Variants in STRN observed in about 807,000 individuals in gnomAD.
STRN encodes striatin.
Under a neutral mutation model 96.3 loss-of-function variants are expected in STRN, and 53 were observed. The observed-to-expected ratio is 0.55, with a 90% CI of 0.44 to 0.69. The LOEUF (loss-of-function observed/expected upper bound fraction) is 0.69. Ranked by LOEUF, STRN falls within the 30% of genes least tolerant of loss-of-function variation. STRN has a pLI of 0.00. For missense variants in STRN, 987 were observed against 963.9 expected, an observed-to-expected ratio of 1.02 and a Z score of -0.32; for synonymous variants, 428 against 355.9, an observed-to-expected ratio of 1.20 and a Z score of -2.28.
chr2:36,927,501 C>A, intron 1 of STRN, among the ~76,000 whole-genome samples: 1 of 130,308 alleles, frequency 7.7e-6, no homozygotes, highest in African/African-American at 3.0e-5. Flanking sequence ...AGAGTGAGAC[C>A]CTATATCAAA....
intron 2 of STRN, among the ~76,000 whole-genome samples, chr2:36,922,477 C>T (rs1430666553): frequency 2.0e-5 from 3 of 149,186 alleles, no homozygotes; most frequent in Non-Finnish European, 3.0e-5. Context: ...CATGACTGTG[C>T]CACTGCACTA....
intron 15 of STRN, among the ~76,000 whole-genome samples, chr2:36,851,719 TTAAG>T (rs1445618590): frequency 3.3e-5 from 5 of 152,332 alleles, no homozygotes; most frequent in South Asian, 2.1e-4. Flanking sequence ...TTTTGCTACT[TTAAG>T]TAAGTTCTAT....
At chr2:36,955,758 A>T (rs1357969119) in intron 1 of STRN, among the ~76,000 whole-genome samples, 1 of 152,200 alleles carries the variant, frequency 6.6e-6, no homozygotes, top group Non-Finnish European at 1.5e-5. Flanking sequence ...AAACCACTAC[A>T]GATTGAGTAC....
chr2:36,899,815 T>C (rs1218929018), intron 5 of STRN, among the ~76,000 whole-genome samples, 157 bp from the exon 6 acceptor site: 1 of 152,156 alleles, frequency 6.6e-6, no homozygotes. Flanking sequence ...TCTCACAAAT[T>C]TAAAAAGCAA....
rs1480501209 is a variant in STRN at position 36,966,215 on chromosome 2, C to T, written c.234+15G>A. On this transcript the variant is annotated intron_variant, in intron 1 of 17. Coordinates refer to ENST00000263918, the MANE Select transcript of STRN (RefSeq NM_003162.4). ...AGAGGCGGGATGAAGACGGCCAGGC[C>T]GGGAGGGTCTTTACCTGCAGCTCCG... is the stretch of plus-strand genomic sequence containing the variant. 1.9e-6 allele frequency: 3 copies of T among 1,544,352 alleles called. No individual in the cohort carries two copies. The highest frequency in any genetic ancestry group is 2.4e-5 in the South Asian group (2 of 84,212).
intron 9 of STRN, among the ~76,000 whole-genome samples, chr2:36,880,697 T>C (rs1669048115): frequency 6.6e-6 from 1 of 152,352 alleles, no homozygotes; most frequent in African/African-American, 2.4e-5. Flanking sequence ...ATCAGTTGAA[T>C]GACTCATGTG....
chr2:36,902,551 A>G, intron 5 of STRN, 33 bp downstream of exon 5: 2 of 1,547,938 alleles, frequency 1.3e-6, no homozygotes, highest in South Asian at 1.3e-5. Flanking sequence ...AGAACTAATA[A>G]TAGCTAAAAC....
intron 10 of STRN, among the ~76,000 whole-genome samples, chr2:36,871,011 A>G (rs188319989): frequency 6.6e-6 from 1 of 152,356 alleles, no homozygotes; most frequent in Admixed American, 6.5e-5. Context: ...AAAATAGGAA[A>G]AAGCTTATAG....
At chr2:36,899,191 G>A (rs1669619432) in intron 6 of STRN, among the ~76,000 whole-genome samples, 1 of 152,172 alleles carries the variant, frequency 6.6e-6, no homozygotes, top group African/African-American at 2.4e-5. Context: ...CAGGCACCAT[G>A]ATGTGTCTGT....
chr2:36,966,272 C>T lies in STRN; in HGVS notation c.192G>A (p.Glu64=), dbSNP rs763795412. ...CCACCTCCCACTGGGCTCTCTCCAC[C>T]TCGAAGCGGGCCCACTCGTGCTGCA... ...HFLQHEWARF[E]VERAQWEVER... is the part of the protein sequence containing the mutation. Residue 64 remains glutamate (E), a synonymous_variant, in exon 1 of 18, where the codon GAG becomes GAA. Coordinates refer to ENST00000263918, the MANE Select transcript of STRN (RefSeq NM_003162.4). 2 of 1,587,838 alleles carry T rather than the reference C, an allele frequency of 1.3e-6. No homozygotes were observed. The highest frequency in any genetic ancestry group is 1.7e-6 in the Non-Finnish European group (2 of 1,169,274).
At chr2:36,951,923 G>A (rs543158592) in intron 1 of STRN, among the ~76,000 whole-genome samples, 9 of 152,322 alleles carry the variant, frequency 5.9e-5, no homozygotes, top group African/African-American at 2.2e-4. Context: ...CAGAGGCAAC[G>A]CTGATTCTCA....
intron 6 of STRN, among the ~76,000 whole-genome samples, chr2:36,896,859 C>G: frequency 6.6e-6 from 1 of 152,090 alleles, no homozygotes; most frequent in East Asian, 1.9e-4. Context: ...GACGAGAATA[C>G]TGATAATGAT....
At chr2:36,865,220 A>G (rs1231921669) in intron 12 of STRN, among the ~76,000 whole-genome samples, 1 of 152,232 alleles carries the variant, frequency 6.6e-6, no homozygotes, top group Admixed American at 6.5e-5. Context: ...CGTTGTTTCC[A>G]GGAATTTATC....
chr2:36,936,127 T>G (rs1670694961), intron 1 of STRN, among the ~76,000 whole-genome samples: 1 of 152,174 alleles, frequency 6.6e-6, no homozygotes, highest in African/African-American at 2.4e-5. Context: ...ATAAAGACAT[T>G]TAAGCCTTTC....
At chr2:36,906,396 C>T (rs189355474) in intron 3 of STRN, among the ~76,000 whole-genome samples, 1 of 152,094 alleles carries the variant, frequency 6.6e-6, no homozygotes, top group East Asian at 1.9e-4. Flanking sequence ...GAAGACGAGG[C>T]TGCAGTGAGC....
intron 2 of STRN, among the ~76,000 whole-genome samples, chr2:36,920,306 C>A (rs1670218897): frequency 6.6e-6 from 1 of 152,108 alleles, no homozygotes; most frequent in South Asian, 2.1e-4. Context: ...AGTGCCATAA[C>A]ATCAAGAATA....
chr2:36,902,786 T>C, intron 4 of STRN, 35 bp from the exon 5 acceptor site: 5 of 1,523,988 alleles, frequency 3.3e-6, no homozygotes, highest in Non-Finnish European at 4.4e-6. Flanking sequence ...TCAGTCATAC[T>C]GGAATCAGTA....
intron 7 of STRN, among the ~76,000 whole-genome samples, chr2:36,892,766 ATC>A (rs1669433453): frequency 6.6e-6 from 1 of 152,216 alleles, no homozygotes; most frequent in South Asian, 2.1e-4. Flanking sequence ...CATGCTTGAT[ATC>A]CCAGCACCTT....
intron 10 of STRN, among the ~76,000 whole-genome samples, chr2:36,874,898 G>C (rs975479611): frequency 3.3e-5 from 5 of 152,118 alleles, no homozygotes; most frequent in African/African-American, 1.2e-4. Flanking sequence ...AGTGATCCCA[G>C]ATGGACAGTC....
Sources: allele counts gnomAD v4.1 joint callset (sites outside exome capture counted in the v4.1 genomes callset), GRCh38; gene constraint gnomAD v4.1.1; transcripts MANE v1.5; gene names NCBI Gene and HGNC (gene_info 2026-07-23, HGNC 2026-07-21).